FOXN2: variants seen among roughly 807,000 people sequenced by gnomAD.
The protein encoded by FOXN2 is forkhead box N2, also known as forkhead box protein N2.
Under a neutral mutation model 41.2 loss-of-function variants are expected in FOXN2, and 19 were observed. The ratio of observed to expected loss-of-function variants is 0.46; its 90% CI spans 0.32 to 0.68. FOXN2 has a LOEUF of 0.68. Among genes scored for constraint, FOXN2 ranks in the 30% least tolerant of loss-of-function variants. The probability of loss-of-function intolerance (pLI) is 0.03; values close to 1 mark genes in which losing one functional copy is unlikely to be tolerated. For synonymous variants in FOXN2, 195 were observed against 176.8 expected (o/e 1.10, Z -0.82); for missense variants, 587 against 509.4 (o/e 1.15, Z -1.47).
intron 1 of FOXN2, among the ~76,000 whole-genome samples, chr2:48,316,036 T>A (rs1283096366): frequency 6.6e-6 from 1 of 152,154 alleles, no homozygotes; most frequent in Non-Finnish European, 1.5e-5. Context: ...CGTGGCCGGC[T>A]GAGTGTAATA....
At chr2:48,344,497 C>T (rs56879885) in intron 2 of FOXN2, among the ~76,000 whole-genome samples, 18,431 of 152,184 alleles carry the variant, frequency 0.12, 1,320 homozygotes, top group African/African-American at 0.2. Flanking sequence ...GTTCCACTTA[C>T]GCTTAACCTC....
intron 2 of FOXN2, among the ~76,000 whole-genome samples, chr2:48,335,916 T>A (rs1670312340): frequency 6.6e-6 from 1 of 151,006 alleles, no homozygotes; most frequent in African/African-American, 2.4e-5. Context: ...TAGTCCCAGC[T>A]CCTCGGGAGG....
intron 1 of FOXN2, among the ~76,000 whole-genome samples, chr2:48,318,418 T>C (rs1295979043): frequency 6.6e-6 from 1 of 152,188 alleles, no homozygotes; most frequent in Admixed American, 6.5e-5. Context: ...TTATGAGTTT[T>C]AGGGAGGAAG....
intron 3 of FOXN2, among the ~76,000 whole-genome samples, chr2:48,354,075 T>C (rs1360667013): frequency 2.0e-5 from 3 of 152,184 alleles, no homozygotes; most frequent in East Asian, 1.9e-4. Context: ...CTTAGAAATA[T>C]AGGCAGGAAT....
At chr2:48,339,877 A>T (rs949212712) in intron 2 of FOXN2, among the ~76,000 whole-genome samples, 1 of 152,210 alleles carries the variant, frequency 6.6e-6, no homozygotes, top group Non-Finnish European at 1.5e-5. Flanking sequence ...AAACAATTAA[A>T]TGTTCCTTAA....
At chr2:48,360,813 A>C (rs1187416277) in intron 4 of FOXN2, among the ~76,000 whole-genome samples, 2 of 145,808 alleles carry the variant, frequency 1.4e-5, no homozygotes, top group African/African-American at 5.0e-5. Context: ...TTTGCTGAAG[A>C]TTAAGCCTGG....
rs1352182151 is a variant in FOXN2 at position 48,365,787 on chromosome 2, A to G, written c.703+3080A>G. On this transcript the variant is annotated intron_variant, in intron 5 of 6. Coordinates refer to ENST00000340553, the MANE Select transcript of FOXN2 (RefSeq NM_002158.4). ...AACAAATGCACATCTGTCCTGGAAT[A>G]TAATACAAAATTCTCCATGAATTTT... 2.6e-5 allele frequency among the ~76,000 whole-genome samples: 4 copies of G among 152,202 alleles called. No homozygotes were observed. The East Asian group carries it at 5.8e-4, about 22-fold the overall frequency.
rs755750990 is a variant in FOXN2, at chr2:48,359,105, A to G, written c.596A>G (p.Gln199Arg). 2 of 1,613,812 alleles carry G rather than the reference A, an allele frequency of 1.2e-6. No homozygotes were observed. Among genetic ancestry groups the G allele is most frequent in the Admixed American group, 3.3e-5 (2 of 60,010 alleles). ...CCGGAATATAAACCCAATCTTATCC[A>G]GGCACTGAAGAAGCAACCTTTTTCT... ...VDPEYKPNLI[Q>R]ALKKQPFSSA... Residue 199 changes from glutamine to arginine, a missense_variant, in exon 4 of 7, where the codon CAG (glutamine) becomes CGG (arginine). Coordinates refer to ENST00000340553, the MANE Select transcript of FOXN2 (RefSeq NM_002158.4).
At chr2:48,356,845 C>G (rs555796979) in intron 3 of FOXN2, among the ~76,000 whole-genome samples, 3 of 152,282 alleles carry the variant, frequency 2.0e-5, no homozygotes, top group Non-Finnish European at 4.4e-5. Flanking sequence ...AAACCTTTAG[C>G]AGTTCTCTAC....
At chr2:48,342,681 T>A (rs1670852704) in intron 2 of FOXN2, among the ~76,000 whole-genome samples, 1 of 152,200 alleles carries the variant, frequency 6.6e-6, no homozygotes, top group South Asian at 2.1e-4. Flanking sequence ...AAATGGATAG[T>A]GCTCTGTCTA....
chr2:48,337,317 C>A (rs528148889), intron 2 of FOXN2, among the ~76,000 whole-genome samples: 12 of 146,406 alleles, frequency 8.2e-5, no homozygotes, highest in African/African-American at 3.0e-4. Flanking sequence ...TAAAGTGAGA[C>A]GGAGTTGTCT....
intron 1 of FOXN2, among the ~76,000 whole-genome samples, chr2:48,323,498 G>A (rs775236096): frequency 6.6e-6 from 1 of 152,062 alleles, no homozygotes; most frequent in Non-Finnish European, 1.5e-5. Context: ...GTGATGTTGA[G>A]CATTTTTTTC....
upstream of FOXN2, among the ~76,000 whole-genome samples, chr2:48,314,213 G>T (rs181293506): frequency 6.6e-6 from 1 of 152,266 alleles, no homozygotes; most frequent in South Asian, 2.1e-4. Flanking sequence ...CCCGGGCACA[G>T]GCACCGAGGG....
At chr2:48,328,415 C>T (rs765047923) in intron 1 of FOXN2, 146 bp from the exon 2 acceptor site, 32 of 152,272 alleles carry the variant, frequency 2.1e-4, no homozygotes, top group Non-Finnish European at 2.9e-4. Flanking sequence ...CTCTAGATTA[C>T]TTATAATACC....
intron 2 of FOXN2, among the ~76,000 whole-genome samples, chr2:48,329,243 C>T (rs1043242194): frequency 1.3e-5 from 2 of 152,086 alleles, no homozygotes; most frequent in African/African-American, 4.8e-5. Context: ...GTACAATTGA[C>T]AGAAAATTAT....
chr2:48,315,991 T>A (rs1373659966), intron 1 of FOXN2, among the ~76,000 whole-genome samples: 1 of 152,186 alleles, frequency 6.6e-6, no homozygotes, highest in Non-Finnish European at 1.5e-5. Flanking sequence ...TAGTTGAAGT[T>A]GTTTCTCCTA....
intron 3 of FOXN2, among the ~76,000 whole-genome samples, chr2:48,357,820 T>A (rs1329368523): frequency 2.7e-5 from 4 of 150,030 alleles, no homozygotes; most frequent in African/African-American, 9.8e-5. Context: ...TTAAGAAGTT[T>A]CATTTAATCC....
At chr2:48,327,754 C>G (rs1669774656) in intron 1 of FOXN2, among the ~76,000 whole-genome samples, 1 of 152,136 alleles carries the variant, frequency 6.6e-6, no homozygotes. Context: ...TGGAGATAGT[C>G]TTTAATAACA....
intron 2 of FOXN2, among the ~76,000 whole-genome samples, chr2:48,331,888 A>C (rs1670042463): frequency 6.6e-6 from 1 of 151,160 alleles, no homozygotes; most frequent in Non-Finnish European, 1.5e-5. Flanking sequence ...TTTTTTGGTC[A>C]TTAAATATAT....
Sources: allele counts gnomAD v4.1 joint callset (sites outside exome capture counted in the v4.1 genomes callset), GRCh38; gene constraint gnomAD v4.1.1; transcripts MANE v1.5; gene names NCBI Gene and HGNC (gene_info 2026-07-23, HGNC 2026-07-21).